Variants in HYDIN observed in about 807,000 individuals in gnomAD.
The protein encoded by HYDIN is axonemal central pair apparatus protein HYDIN.
HYDIN carries 132 observed loss-of-function variants against 403.9 expected under a neutral mutation model. The ratio of observed to expected loss-of-function variants is 0.33; its 90% CI spans 0.28 to 0.38. The LOEUF (loss-of-function observed/expected upper bound fraction) is 0.38. Ranked by LOEUF, HYDIN falls within the 10% of genes least tolerant of loss-of-function variation. HYDIN has a pLI of 1.00. For synonymous variants in HYDIN, 1,202 were observed against 1,891.7 expected, an observed-to-expected ratio of 0.64 and a Z score of 9.46; for missense variants, 2,827 against 5,009.5, an observed-to-expected ratio of 0.56 and a Z score of 13.15.
At position 71,129,599 on chromosome 16, in the gene HYDIN, C is replaced by G. The variant is rs964423818; in HGVS notation, c.1227+41G>C. ...TTATCAAAGCAAGCCTGTGCTCCCACTTACATTTCCTGTATGGTCAGCTTT... is the reference window on the plus strand; with the variant it reads ...TTATCAAAGCAAGCCTGTGCTCCCAGTTACATTTCCTGTATGGTCAGCTTT... On this transcript the variant is annotated intron_variant, in intron 9 of 85. Coordinates refer to ENST00000393567, the MANE Select transcript of HYDIN (RefSeq NM_001270974.2). 5.9e-6 allele frequency: 9 copies of G among 1,531,764 alleles called. No homozygotes were observed. The African/African-American group carries it at 1.1e-4, about 19-fold the overall frequency. 94.9% of individuals were successfully genotyped at this position (1,531,764 alleles called of 1,614,324 possible).
intron 52 of HYDIN, among the ~76,000 whole-genome samples, chr16:70,902,810 TATATATATA>T (rs1567799174): frequency 6.1e-5 from 2 of 32,622 alleles, no homozygotes; most frequent in African/African-American, 1.4e-4. Flanking sequence ...TATATATATA[TATATATATA>T]TATTTTTTTT....
chr16:70,992,002 T>A, intron 24 of HYDIN, 68 bp downstream of exon 24: 1 of 1,606,324 alleles, frequency 6.2e-7, no homozygotes, highest in Non-Finnish European at 8.5e-7. Flanking sequence ...GGATGAGTAT[T>A]GAGAATGTAA....
chr16:71,127,108 A>C (rs1356292052), intron 9 of HYDIN, among the ~76,000 whole-genome samples: 1 of 152,250 alleles, frequency 6.6e-6, no homozygotes, highest in Non-Finnish European at 1.5e-5. Context: ...ATTCATTATA[A>C]CTGATATTGA....
chr16:71,229,264 C>T (rs1465648686), intron 1 of HYDIN, among the ~76,000 whole-genome samples: 1 of 151,968 alleles, frequency 6.6e-6, no homozygotes, highest in Non-Finnish European at 1.5e-5. Context: ...ATGTAACAAA[C>T]CTGCACGTTG....
At chr16:70,896,328 T>C (rs1340765161) in intron 53 of HYDIN, among the ~76,000 whole-genome samples, 1 of 151,628 alleles carries the variant, frequency 6.6e-6, no homozygotes, top group Non-Finnish European at 1.5e-5. Context: ...TTACTGAAGT[T>C]TGGGCTTGGG....
chr16:71,210,531 T>C (rs1306512524), intron 1 of HYDIN, among the ~76,000 whole-genome samples: 2 of 151,316 alleles, frequency 1.3e-5, no homozygotes, highest in Non-Finnish European at 2.9e-5. Flanking sequence ...GAGTGAGAGG[T>C]TCAGAAAAAA....
chr16:71,176,904 A>C (rs538718762), intron 4 of HYDIN, among the ~76,000 whole-genome samples: 12 of 152,316 alleles, frequency 7.9e-5, no homozygotes, highest in Admixed American at 4.6e-4. Context: ...GAAGCAAATA[A>C]AAGGTGAAAG....
At chr16:70,847,770 T>A (rs1567698243) in intron 75 of HYDIN, among the ~76,000 whole-genome samples, 1 of 152,102 alleles carries the variant, frequency 6.6e-6, no homozygotes, top group Non-Finnish European at 1.5e-5. Flanking sequence ...GGTGTGGATT[T>A]TTTTGAGTTT....
chr16:71,115,108 C>A (rs868787570), intron 10 of HYDIN, among the ~76,000 whole-genome samples: 2 of 150,920 alleles, frequency 1.3e-5, no homozygotes, highest in African/African-American at 2.4e-5. Flanking sequence ...CCACTCAAAT[C>A]TCATCTTGAA....
intron 83 of HYDIN, among the ~76,000 whole-genome samples, chr16:70,819,192 GGTGTGAGCCACA>G (rs1386298302): frequency 6.6e-6 from 1 of 151,918 alleles, no homozygotes; most frequent in East Asian, 1.9e-4. Flanking sequence ...TAGGATTATA[GGTGTGAGCCACA>G]GTGCCTGGCC....
intron 41 of HYDIN, among the ~76,000 whole-genome samples, chr16:70,948,684 G>A (rs570485592): frequency 2.2e-4 from 34 of 151,664 alleles, no homozygotes; most frequent in Admixed American, 1.5e-3. Context: ...AGACATTTAT[G>A]CAGCCAAAAA....
rs200549656 is a variant in HYDIN, at chr16:70,970,657, G to T, written c.5482C>A (p.Pro1828Thr). Residue 1828 changes from proline (P) to threonine (T), a missense_variant, in exon 36 of 86, where the codon CCT (proline) becomes ACT (threonine). Pro to Thr is a conservative substitution (Grantham distance 38). Transcript: ENST00000393567. ...AGTGGCCCCAGATCCAGGACTGAAG[G>T]ACTAAATTCCAGGCGTGGCTCTAGA... is the stretch of plus-strand genomic sequence containing the variant. ...QGLEPRLEFS[P>T]SVLDLGPLLL... is the part of the protein sequence containing the mutation. 1.9e-3 allele frequency: 2,924 copies of T among 1,528,422 alleles called. 2 individuals carry two copies. Among genetic ancestry groups the T allele is most frequent in the Non-Finnish European group, 2.4e-3 (2,668 of 1,105,278 alleles). The allele number at this position is 1,528,422 out of a possible 1,614,324, so 94.7% of individuals were successfully genotyped here.
intron 18 of HYDIN, among the ~76,000 whole-genome samples, chr16:71,041,949 C>G (rs565161886): frequency 5.9e-5 from 9 of 151,956 alleles, no homozygotes; most frequent in Non-Finnish European, 1.3e-4. Context: ...ATAAATAATA[C>G]ATGTAGACAG....
rs1211410138 is a variant in HYDIN at position 71,211,495 on chromosome 16, A to T, written c.-24+19067T>A. Among the ~76,000 whole-genome samples, 3 of 152,048 alleles carry T rather than the reference A, an allele frequency of 2.0e-5. No homozygotes were observed. In the East Asian group the frequency reaches 5.8e-4, roughly 29 times the overall value. ...CTCTACTAAAAATACAAAAAAAATT[A>T]GCCGGGCGTGGTGAGGGGCACCTGT... On this transcript the variant is annotated intron_variant, in intron 1 of 85. Coordinates refer to ENST00000393567, the MANE Select transcript of HYDIN (RefSeq NM_001270974.2).
chr16:71,069,759 T>C (rs538966893), intron 13 of HYDIN, among the ~76,000 whole-genome samples: 40 of 152,366 alleles, frequency 2.6e-4, no homozygotes, highest in African/African-American at 9.1e-4. Flanking sequence ...TGTGGGAGAT[T>C]AAACACCACA....
At chr16:70,882,993 T>G in intron 59 of HYDIN, 98 bp from the exon 60 acceptor site, 1 of 972,094 alleles carries the variant, frequency 1.0e-6, no homozygotes, top group Non-Finnish European at 1.6e-6. Context: ...AAAGGAGAAT[T>G]GTGGAGGACA....
intron 18 of HYDIN, among the ~76,000 whole-genome samples, chr16:71,032,301 CTTTTTGT>C (rs2144161596): frequency 8.4e-6 from 1 of 119,520 alleles, no homozygotes; most frequent in South Asian, 2.8e-4. Context: ...TTTATTTTTC[CTTTTTGT>C]TTTTTTTTTT....
In HYDIN at chr16:70,834,048, C is replaced by T. The variant is rs199962133; in HGVS notation, c.13518G>A (p.Met4506Ile). The T allele has an allele frequency of 1.2e-6, 2 of 1,604,320 alleles. No individual in the cohort carries two copies. The highest frequency in any genetic ancestry group is 1.7e-5 in the Admixed American group (1 of 59,724). The change falls in exon 79 of 86, where the codon ATG becomes ATA. Residue 4506 changes from methionine to isoleucine, a missense_variant. Coordinates refer to ENST00000393567, the MANE Select transcript of HYDIN (RefSeq NM_001270974.2). ...GGGGGCGCAGGAGCCCCATGCATTC[C>T]ATGAACACTTCCTCAGAGAAGGGAG... The part of the protein sequence containing the change: ...RVPPFSEEVF[M>I]ECMGLLRPLF...
chr16:71,030,690 C>T (rs2080874475), intron 19 of HYDIN, among the ~76,000 whole-genome samples: 1 of 152,232 alleles, frequency 6.6e-6, no homozygotes, highest in African/African-American at 2.4e-5. Flanking sequence ...CTTGGCCTCC[C>T]AAACTGCTAG....
Sources: gnomAD v4.1 joint callset for allele counts (sites outside exome capture counted in the v4.1 genomes callset) on GRCh38, gnomAD v4.1.1 for gene constraint, MANE v1.5 for transcripts, NCBI Gene and HGNC (gene_info 2026-07-23, HGNC 2026-07-21) for gene names.